Variants in AK8 observed in about 807,000 individuals in gnomAD.
The protein encoded by AK8 is adenylate kinase 8.
In AK8, 44 loss-of-function variants were observed where a neutral mutation model predicts 54.6. The observed-to-expected ratio is 0.81, with a 90% confidence interval of 0.63 to 1.04. The LOEUF (loss-of-function observed/expected upper bound fraction) is 1.04. Among genes scored for constraint, AK8 ranks in the 50% least tolerant of loss-of-function variants. AK8 has a pLI of 0.00. For missense variants in AK8, 555 were observed against 613.6 expected (o/e 0.90, Z 1.01); for synonymous variants, 239 against 245.6 (o/e 0.97, Z 0.25).
At chr9:132,818,265 TA>T (rs1564418789) in intron 9 of AK8, among the ~76,000 whole-genome samples, 1 of 152,244 alleles carries the variant, frequency 6.6e-6, no homozygotes, top group Non-Finnish European at 1.5e-5. Flanking sequence ...AACCTGGATC[TA>T]AACCAAGGAG....
At chr9:132,764,959 G>A (rs114973257) in intron 11 of AK8, among the ~76,000 whole-genome samples, 2,094 of 152,134 alleles carry the variant, frequency 0.014, 61 homozygotes, top group African/African-American at 0.049. Context: ...AAAAATCCTC[G>A]ACAAAATACT....
intron 4 of AK8, among the ~76,000 whole-genome samples, chr9:132,855,212 C>A (rs563188339): frequency 6.6e-6 from 1 of 152,202 alleles, no homozygotes; most frequent in Non-Finnish European, 1.5e-5. Context: ...AGAGCCTCAG[C>A]CCCAAGTGCC....
intron 2 of AK8, among the ~76,000 whole-genome samples, chr9:132,869,072 C>T (rs958085459): frequency 2.6e-5 from 4 of 152,094 alleles, no homozygotes; most frequent in South Asian, 2.1e-4. Flanking sequence ...CCCAGCTACT[C>T]GGGAGGCTGA....
intron 4 of AK8, among the ~76,000 whole-genome samples, chr9:132,859,626 T>G: frequency 1.5e-5 from 2 of 129,362 alleles, no homozygotes; most frequent in Non-Finnish European, 1.7e-5. Flanking sequence ...TCTCCTCCCC[T>G]ACCCTGTCCC....
In AK8 at chr9:132,826,071, G is replaced by A. The variant is rs1841855448; in HGVS notation, c.757+783C>T. ...AATGATAGGAGCTATGACGACTGAT[G>A]TTTATTGAGGCTTTTCTCTGTGCCA... On this transcript the variant is annotated intron_variant, in intron 8 of 12. Transcript: ENST00000298545. The surrounding 1 kb of genome is among the most constrained non-coding windows in gnomAD (Gnocchi z 4.5). Among the ~76,000 whole-genome samples, 1 of 152,210 alleles carries A rather than the reference G, an allele frequency of 6.6e-6. No individual in the cohort carries two copies. The highest frequency in any genetic ancestry group is 2.1e-4 in the South Asian group (1 of 4,830).
rs886848391 is a variant in AK8, at chr9:132,810,652, T to C, written c.979+3986A>G. Among the ~76,000 whole-genome samples the C allele has an allele frequency of 3.3e-5, 5 of 152,246 alleles. 1 individual carries two copies. Among genetic ancestry groups the C allele is most frequent in the East Asian group, 1.9e-4 (1 of 5,188 alleles). On this transcript the variant is annotated intron_variant, in intron 10 of 12. Transcript: ENST00000298545. ...CTATAAGACGAGGAAGATAAGACTG[T>C]GCTGTCAGATGGTGAGGAGAGAGGA... is the stretch of plus-strand genomic sequence containing the variant.
chr9:132,772,912 G>A lies in AK8; in HGVS notation c.1121+19722C>T, dbSNP rs937790354. Reference sequence around the variant, plus strand: ...CCAGGCCTCTGGCACCTCTCACCTGGATTACTGCCAACAGCCCTATACCTG... The same window carrying A: ...CCAGGCCTCTGGCACCTCTCACCTGAATTACTGCCAACAGCCCTATACCTG... On this transcript the variant is annotated intron_variant, in intron 11 of 12. Coordinates refer to ENST00000298545, the MANE Select transcript of AK8 (RefSeq NM_152572.3). 3.9e-5 allele frequency among the ~76,000 whole-genome samples: 6 copies of A among 152,250 alleles called. No homozygotes were observed. The South Asian group carries it at 8.3e-4, about 21-fold the overall frequency.
rs1232127897 is a variant in AK8 at position 132,823,147 on chromosome 9, GGGCAGGA to G, written c.889+51_889+57del. 27 of 1,498,604 alleles carry G rather than the reference GGGCAGGA, an allele frequency of 1.8e-5. No homozygotes were observed. The Admixed American group carries it at 6.3e-4, about 35-fold the overall frequency. 92.8% of individuals were successfully genotyped at this position (1,498,604 alleles called of 1,614,324 possible). On this transcript the variant is annotated intron_variant, in intron 9 of 12. Transcript: ENST00000298545. Reference sequence around the variant, plus strand: ...CCATAAAATGAGAGCTGGGGAGGAGGGGCAGGAGGCAGGGAAAGGCTCTCGAAGCTGG... The same window carrying G: ...CCATAAAATGAGAGCTGGGGAGGAGGGGCAGGGAAAGGCTCTCGAAGCTGG...
rs1239410298 is a variant in AK8 at position 132,809,898 on chromosome 9, A to G, written c.979+4740T>C. ...ATAAGCAGGCTGTGGTCGGCTAGGC[A>G]GAGTTTCCCTGTTCAGCCTGACCTT... is the stretch of plus-strand genomic sequence containing the variant. On this transcript the variant is annotated intron_variant, in intron 10 of 12. Coordinates refer to ENST00000298545, the MANE Select transcript of AK8 (RefSeq NM_152572.3). Among the ~76,000 whole-genome samples the G allele has an allele frequency of 3.3e-5, 5 of 152,248 alleles. 1 individual carries two copies. The highest frequency in any genetic ancestry group is 9.6e-5 in the African/African-American group (4 of 41,476).
intron 10 of AK8, among the ~76,000 whole-genome samples, chr9:132,812,514 CAG>C (rs201566649): frequency 0.17 from 1,192 of 6,962 alleles, 33 homozygotes; most frequent in Middle Eastern, 0.4. Flanking sequence ...GCTGGGATGA[CAG>C]GGGTGAGCTA....
At chr9:132,812,280 C>G (rs888480466) in intron 10 of AK8, among the ~76,000 whole-genome samples, 1 of 139,786 alleles carries the variant, frequency 7.2e-6, no homozygotes, top group East Asian at 2.1e-4. Context: ...GTCACCCAGG[C>G]AAGAGTGTGG....
chr9:132,869,008 A>G (rs1053938144), intron 2 of AK8, among the ~76,000 whole-genome samples: 1 of 152,106 alleles, frequency 6.6e-6, no homozygotes, highest in African/African-American at 2.4e-5. Context: ...GTGAAACCCC[A>G]TCTCTACTGA....
intron 11 of AK8, among the ~76,000 whole-genome samples, chr9:132,767,368 C>T (rs1838767817): frequency 6.6e-6 from 1 of 151,920 alleles, no homozygotes; most frequent in Non-Finnish European, 1.5e-5. Context: ...TGTTCAACAT[C>T]ACAAATATCA....
At chr9:132,856,042 C>T (rs1464714544) in intron 4 of AK8, among the ~76,000 whole-genome samples, 1 of 152,254 alleles carries the variant, frequency 6.6e-6, no homozygotes. Flanking sequence ...CAGGGTACTC[C>T]GCACTCTCCC....
Position 132,860,466 on chromosome 9 carries a change from C to T in AK8, c.333+3199G>A, listed in dbSNP as rs950808059. On this transcript the variant is annotated intron_variant, in intron 4 of 12. Transcript: ENST00000298545. This position sits in a 1 kb window ranked among gnomAD's most constrained non-coding sequence, Gnocchi z 4.4. ...CAGCATCGTTCACATCTGGCGGACT[C>T]GAACGCAGGTAGAGGACAGGGAGAG... 2.0e-5 allele frequency among the ~76,000 whole-genome samples: 3 copies of T among 152,146 alleles called. No homozygotes were observed. The highest frequency in any genetic ancestry group is 7.2e-5 in the African/African-American group (3 of 41,426).
At chr9:132,739,799 C>G (rs1837284141) in intron 11 of AK8, among the ~76,000 whole-genome samples, 1 of 152,250 alleles carries the variant, frequency 6.6e-6, no homozygotes, top group Admixed American at 6.5e-5. Context: ...GAGAAATGCT[C>G]TGTGTACCAA....
chr9:132,867,461 A>G (rs1209194913), intron 2 of AK8, among the ~76,000 whole-genome samples: 1 of 152,258 alleles, frequency 6.6e-6, no homozygotes, highest in African/African-American at 2.4e-5. Flanking sequence ...GTTTTCAAAG[A>G]TGGGCATTTC....
At chr9:132,804,380 G>A (rs1327704296) in intron 10 of AK8, among the ~76,000 whole-genome samples, 2 of 152,166 alleles carry the variant, frequency 1.3e-5, no homozygotes, top group African/African-American at 4.8e-5. Flanking sequence ...TCCTGGGGTA[G>A]GGAGGTCCCA....
intron 11 of AK8, among the ~76,000 whole-genome samples, chr9:132,739,338 A>C (rs1837258854): frequency 6.8e-6 from 1 of 147,584 alleles, no homozygotes. Context: ...GCTACTTGGG[A>C]GACTGAGGCA....
Sources: allele counts gnomAD v4.1 joint callset (sites outside exome capture counted in the v4.1 genomes callset), GRCh38; gene constraint gnomAD v4.1.1; non-coding constraint Gnocchi (gnomAD v3.1); transcripts MANE v1.5; gene names NCBI Gene and HGNC (gene_info 2026-07-23, HGNC 2026-07-21).